FAM13A: variants seen among roughly 807,000 people sequenced by gnomAD.
FAM13A encodes the protein family with sequence similarity 13 member A.
FAM13A carries 76 observed loss-of-function variants against 129.6 expected under a neutral mutation model. The observed-to-expected ratio is 0.59, with a 90% CI of 0.49 to 0.71. FAM13A has a LOEUF of 0.71. Ranked by LOEUF, FAM13A falls within the 30% of genes least tolerant of loss-of-function variation. The pLI is 0.00. For missense variants in FAM13A, 1,108 were observed against 1,249.3 expected, an observed-to-expected ratio of 0.89 and a Z score of 1.70; for synonymous variants, 443 against 449.9, an observed-to-expected ratio of 0.98 and a Z score of 0.20.
At chr4:88,984,921 C>T (rs995639034) in intron 4 of FAM13A, among the ~76,000 whole-genome samples, 1 of 152,164 alleles carries the variant, frequency 6.6e-6, no homozygotes, top group African/African-American at 2.4e-5. Context: ...TGAGACCCAA[C>T]AATTCTACTC....
intron 1 of FAM13A, among the ~76,000 whole-genome samples, chr4:89,049,197 A>G (rs1193302412): frequency 2.0e-5 from 3 of 151,990 alleles, no homozygotes; most frequent in Admixed American, 6.6e-5. Flanking sequence ...CAGGGGTTTG[A>G]GGCTGTAGTG....
chr4:88,731,780 G>T (rs965519325), intron 22 of FAM13A: 3 of 529,224 alleles, frequency 5.7e-6, no homozygotes, highest in African/African-American at 3.9e-5. Context: ...TTTAGAGAGA[G>T]AACTTCTGGT....
At chr4:88,751,857 C>T (rs549125805) in intron 14 of FAM13A, among the ~76,000 whole-genome samples, 11 of 152,172 alleles carry the variant, frequency 7.2e-5, no homozygotes, top group South Asian at 4.1e-4. Flanking sequence ...ATTTACACAA[C>T]GGTAGAATTT....
chr4:88,971,368 A>C (rs1269071219), intron 4 of FAM13A, among the ~76,000 whole-genome samples: 2 of 152,218 alleles, frequency 1.3e-5, no homozygotes, highest in Non-Finnish European at 2.9e-5. Context: ...TTTTCATTCA[A>C]GCATGTATTT....
intron 14 of FAM13A, among the ~76,000 whole-genome samples, chr4:88,756,916 T>C (rs1264825913): frequency 3.9e-5 from 6 of 152,128 alleles, no homozygotes; most frequent in Admixed American, 2.0e-4. Context: ...TTTAAAGATA[T>C]GTACATTCAA....
intron 11 of FAM13A, among the ~76,000 whole-genome samples, chr4:88,769,130 C>G (rs1209215854): frequency 6.6e-6 from 1 of 152,176 alleles, no homozygotes; most frequent in African/African-American, 2.4e-5. Flanking sequence ...CTATCAATAA[C>G]ATCCCATTAT....
At chr4:89,008,969 T>C (rs1226949932) in intron 3 of FAM13A, 1 of 152,172 alleles carries the variant, frequency 6.6e-6, no homozygotes, top group African/African-American at 2.4e-5. Context: ...TACTCATCCA[T>C]TTAAAATGAA....
chr4:89,028,859 G>A (rs550160306), intron 2 of FAM13A, among the ~76,000 whole-genome samples: 2 of 151,312 alleles, frequency 1.3e-5, no homozygotes, highest in Non-Finnish European at 2.9e-5. Flanking sequence ...TCATCAAAAA[G>A]CTGTGGGCTT....
At chr4:88,965,589 A>G (rs1759244405) in intron 4 of FAM13A, among the ~76,000 whole-genome samples, 1 of 152,212 alleles carries the variant, frequency 6.6e-6, no homozygotes, top group African/African-American at 2.4e-5. Context: ...AAACAAGATG[A>G]AATTTGCCAT....
chr4:88,893,284 A>G (rs928569066), intron 6 of FAM13A, among the ~76,000 whole-genome samples: 2 of 152,214 alleles, frequency 1.3e-5, no homozygotes, highest in African/African-American at 4.8e-5. Flanking sequence ...TCTGCTCCAC[A>G]AAGAAACGAA....
chr4:88,848,641 G>A (rs550395536), intron 7 of FAM13A, among the ~76,000 whole-genome samples: 2 of 152,222 alleles, frequency 1.3e-5, no homozygotes, highest in South Asian at 4.2e-4. Flanking sequence ...CTGCTTGCTG[G>A]TCTACCAGCA....
At chr4:88,880,111 G>C (rs1332490200) in intron 6 of FAM13A, among the ~76,000 whole-genome samples, 1 of 152,130 alleles carries the variant, frequency 6.6e-6, no homozygotes, top group Non-Finnish European at 1.5e-5. Context: ...CTTAGAAGGA[G>C]AGAGCAGCAT....
At chr4:88,825,232 G>T (rs796446215) in intron 7 of FAM13A, among the ~76,000 whole-genome samples, 27 of 148,738 alleles carry the variant, frequency 1.8e-4, no homozygotes, top group African/African-American at 6.2e-4. Context: ...TTTTTTGGGG[G>T]GGGGATGGAA....
intron 4 of FAM13A, among the ~76,000 whole-genome samples, chr4:88,966,455 T>C (rs117968367): frequency 6.6e-6 from 1 of 152,306 alleles, no homozygotes; most frequent in East Asian, 1.9e-4. Context: ...CCTTTGACCT[T>C]TTTCCTGCTA....
chr4:88,798,629 AAT>A (rs1171914955), intron 8 of FAM13A, among the ~76,000 whole-genome samples: 2 of 152,190 alleles, frequency 1.3e-5, no homozygotes, highest in Non-Finnish European at 1.5e-5. Flanking sequence ...GCAAGGTAAA[AAT>A]ATGTTTCTCC....
intron 3 of FAM13A, among the ~76,000 whole-genome samples, chr4:89,002,479 T>C (rs1183116361): frequency 2.6e-5 from 4 of 152,212 alleles, no homozygotes; most frequent in African/African-American, 9.7e-5. Context: ...ATTATTTCCT[T>C]ACTGATGGGA....
chr4:88,904,166 G>A (rs1747768936), intron 6 of FAM13A, among the ~76,000 whole-genome samples: 2 of 152,280 alleles, frequency 1.3e-5, no homozygotes, highest in South Asian at 4.1e-4. Context: ...TACAGTGTTG[G>A]TGGAAGTGTA....
intron 7 of FAM13A, among the ~76,000 whole-genome samples, chr4:88,810,837 T>C (rs1461239674): frequency 2.0e-5 from 3 of 152,148 alleles, no homozygotes; most frequent in Non-Finnish European, 2.9e-5. Flanking sequence ...ACAGTATACA[T>C]ACATATAAAT....
intron 1 of FAM13A, among the ~76,000 whole-genome samples, chr4:89,045,134 G>C (rs1352801666): frequency 6.6e-6 from 1 of 151,928 alleles, no homozygotes; most frequent in Non-Finnish European, 1.5e-5. Flanking sequence ...AATGATGAAA[G>C]AACACAAATC....
Sources: gnomAD v4.1 joint callset for allele counts (sites outside exome capture counted in the v4.1 genomes callset) on GRCh38, gnomAD v4.1.1 for gene constraint, MANE v1.5 for transcripts, NCBI Gene and HGNC (gene_info 2026-07-23, HGNC 2026-07-21) for gene names.